The following TBX5 variants were observed in gnomAD, a reference collection of about 807,000 sequenced individuals.
The protein encoded by TBX5 is T-box transcription factor TBX5.
A neutral mutation model predicts 51.1 loss-of-function variants in TBX5; 8 were observed. That is an observed-to-expected ratio of 0.16 (90% CI 0.09 to 0.28). TBX5 has a LOEUF of 0.28. TBX5 is among the 10% of genes least tolerant of loss of function. The pLI, the probability that TBX5 is intolerant of heterozygous loss-of-function variation, is 1.00. For synonymous variants in TBX5, 302 were observed against 266.4 expected, an observed-to-expected ratio of 1.13 and a Z score of -1.30; for missense variants, 589 against 671.7, an observed-to-expected ratio of 0.88 and a Z score of 1.36.
chr12:114,388,668 A>T (rs1037806983), intron 6 of TBX5, among the ~76,000 whole-genome samples: 3 of 117,398 alleles, frequency 2.6e-5, no homozygotes, highest in Non-Finnish European at 5.2e-5. Context: ...AATATTTTTA[A>T]AGTATCCGTG....
At chr12:114,407,736 G>C, upstream of TBX5, 3 of 983,418 alleles carry the variant, frequency 3.1e-6, no homozygotes, top group Non-Finnish European at 3.6e-6. Context: ...GCAAGACTAA[G>C]ACGGGGTGAA....
chr12:114,405,351 C>G (rs988052393), intron 1 of TBX5, among the ~76,000 whole-genome samples: 1 of 152,196 alleles, frequency 6.6e-6, no homozygotes, highest in Non-Finnish European at 1.5e-5. Context: ...TACCCCGCGC[C>G]CTCGCCAGGG....
Position 114,355,993 on chromosome 12 carries a change from C to A in TBX5, c.1096G>T (p.Ala366Ser). The change falls in exon 9 of 9, where the codon GCC becomes TCC. Residue 366 changes from alanine to serine, a missense_variant. Physicochemically the swap from Ala to Ser is moderately conservative, Grantham distance 99 (BLOSUM62 1). This residue lies in a region of TBX5 where 348 missense variants were observed against 360.4 expected (regional missense o/e 0.97). Transcript: ENST00000405440. Reference protein sequence around the residue: ...SSYPQQQGLGASYRTESAQRQ... With the variant: ...SSYPQQQGLGSSYRTESAQRQ... The stretch of plus-strand genomic sequence containing the variant: ...TGTGCCGACTCTGTCCTGTAGGAGG[C>A]ACCCAGGCCCTGCTGCTGTGGATAG... 3 of 1,614,124 alleles carry A rather than the reference C, an allele frequency of 1.9e-6. No homozygotes were observed. The highest frequency in any genetic ancestry group is 2.5e-6 in the Non-Finnish European group (3 of 1,180,048).
intron 8 of TBX5, 88 bp downstream of exon 8, chr12:114,366,077 A>G (rs373355088): frequency 5.3e-6 from 7 of 1,317,780 alleles, no homozygotes; most frequent in Non-Finnish European, 7.7e-6. Context: ...AAAGTAAATA[A>G]ATGAATACTC....
intron 6 of TBX5, among the ~76,000 whole-genome samples, chr12:114,386,860 A>G (rs901641464): frequency 1.3e-5 from 2 of 152,078 alleles, no homozygotes; most frequent in Non-Finnish European, 2.9e-5. Flanking sequence ...TTGGGAAGCC[A>G]AGGTGGGTGG....
chr12:114,360,793 TTTG>T (rs987952693), intron 8 of TBX5, among the ~76,000 whole-genome samples: 8 of 151,890 alleles, frequency 5.3e-5, no homozygotes, highest in Non-Finnish European at 8.8e-5. Context: ...TGGATGACTT[TTTG>T]TTGTTGTTGT....
intron 1 of TBX5, 104 bp from the exon 2 acceptor site, chr12:114,404,040 C>T: frequency 1.5e-6 from 2 of 1,310,474 alleles, no homozygotes; most frequent in African/African-American, 1.5e-5. Flanking sequence ...CAGTTTGGCC[C>T]CCAGTTTCCA....
chr12:114,405,419 C>T (rs1344415060), intron 1 of TBX5, among the ~76,000 whole-genome samples: 1 of 152,206 alleles, frequency 6.6e-6, no homozygotes, highest in Admixed American at 6.5e-5. Flanking sequence ...AGAACCAGGC[C>T]GTGCTTCTGC....
chr12:114,370,317 A>AAAAGAAAAC (rs1869819505), intron 7 of TBX5, among the ~76,000 whole-genome samples: 1 of 140,024 alleles, frequency 7.1e-6, no homozygotes, highest in African/African-American at 2.7e-5. Context: ...GAAAAGAAAG[A>AAAAGAAAAC]AAAGAAAAGA....
chr12:114,407,246 C>A, upstream of TBX5: 1 of 279,246 alleles, frequency 3.6e-6, no homozygotes, highest in Non-Finnish European at 5.4e-6. Context: ...GGTGCTCACT[C>A]CACCTTCCAG....
intron 6 of TBX5, among the ~76,000 whole-genome samples, chr12:114,386,778 G>C (rs1870836690): frequency 6.6e-6 from 1 of 151,990 alleles, no homozygotes; most frequent in Non-Finnish European, 1.5e-5. Flanking sequence ...TCTAATAGAA[G>C]ACTAGAAAGA....
chr12:114,370,988 G>A (rs1303773434), intron 7 of TBX5, among the ~76,000 whole-genome samples: 2 of 151,946 alleles, frequency 1.3e-5, no homozygotes, highest in Admixed American at 1.3e-4. Flanking sequence ...ACGGGGATGA[G>A]TGATAAAAGT....
intron 8 of TBX5, among the ~76,000 whole-genome samples, chr12:114,357,059 G>T (rs1280830846): frequency 6.6e-6 from 1 of 152,246 alleles, no homozygotes; most frequent in South Asian, 2.1e-4. Context: ...TGGATGAGTG[G>T]GAGGGAGCTT....
chr12:114,386,960 G>A (rs1486668192), intron 6 of TBX5, among the ~76,000 whole-genome samples: 3 of 151,084 alleles, frequency 2.0e-5, no homozygotes, highest in Non-Finnish European at 4.4e-5. Context: ...AAAAAAAATA[G>A]CCTGGCATGA....
At chr12:114,371,952 A>G (rs1869933418) in intron 7 of TBX5, among the ~76,000 whole-genome samples, 1 of 152,146 alleles carries the variant, frequency 6.6e-6, no homozygotes, top group South Asian at 2.1e-4. Context: ...CTCAGTTTAC[A>G]CTACACCAGC....
At chr12:114,375,521 G>A (rs1870141263) in intron 7 of TBX5, among the ~76,000 whole-genome samples, 1 of 152,076 alleles carries the variant, frequency 6.6e-6, no homozygotes, top group African/African-American at 2.4e-5. Flanking sequence ...AAATAGATAA[G>A]AGGTATAATA....
intron 5 of TBX5, among the ~76,000 whole-genome samples, chr12:114,398,304 T>C (rs145804626): frequency 2.0e-5 from 3 of 149,850 alleles, no homozygotes; most frequent in Admixed American, 2.0e-4. Flanking sequence ...GATGAAATAG[T>C]AGGAAGAAAA....
intron 8 of TBX5, among the ~76,000 whole-genome samples, chr12:114,360,071 C>T (rs2136365425): frequency 6.6e-6 from 1 of 152,286 alleles, no homozygotes; most frequent in South Asian, 2.1e-4. Flanking sequence ...TTTCACTATT[C>T]CCAAATGGGT....
At chr12:114,369,584 G>A (rs1475548654) in intron 7 of TBX5, among the ~76,000 whole-genome samples, 3 of 152,164 alleles carry the variant, frequency 2.0e-5, no homozygotes, top group Non-Finnish European at 4.4e-5. Context: ...CAACAGCGGG[G>A]CAATTTTCAC....
Sources: gnomAD v4.1 joint callset for allele counts (sites outside exome capture counted in the v4.1 genomes callset) on GRCh38, gnomAD v4.1.1 for gene constraint, gnomAD v4.1.1 regional missense constraint, MANE v1.5 for transcripts, NCBI Gene and HGNC (gene_info 2026-07-23, HGNC 2026-07-21) for gene names.